NELL2: variants seen among roughly 807,000 people sequenced by gnomAD.
NELL2 encodes protein kinase C-binding protein NELL2.
NELL2 carries 41 observed loss-of-function variants against 109.6 expected under a neutral mutation model. The ratio of observed to expected loss-of-function variants is 0.37; its 90% CI spans 0.29 to 0.49. The LOEUF (loss-of-function observed/expected upper bound fraction) is 0.49, where lower values mean the gene tolerates loss of function less well. Ranked by LOEUF, NELL2 falls within the 20% of genes least tolerant of loss-of-function variation. The pLI is 0.98. For missense variants in NELL2, 900 were observed against 1,008.3 expected, an observed-to-expected ratio of 0.89 and a Z score of 1.45; for synonymous variants, 355 against 344.7, an observed-to-expected ratio of 1.03 and a Z score of -0.33.
At position 44,610,255 on chromosome 12, in the gene NELL2, CA is replaced by C. The variant is rs1271980690; in HGVS notation, c.1567+592del. 4.3e-4 allele frequency among the ~76,000 whole-genome samples: 55 copies of C among 126,466 alleles called. 1 individual carries two copies. The highest frequency in any genetic ancestry group is 2.0e-3 in the East Asian group (9 of 4,542). 83.0% of individuals were successfully genotyped at this position (126,466 alleles called of 152,430 possible). A position where few individuals can be genotyped will look rare whatever the true frequency, so the allele number is the denominator to read the frequency against. ...TCACAAGAGAGCAAAAAAAAAAAAA[CA>C]AAAAAAAAAACTGTCCTACTGACTC... On this transcript the variant is annotated intron_variant, in intron 14 of 19. Transcript: ENST00000429094.
intron 2 of NELL2, among the ~76,000 whole-genome samples, chr12:44,816,769 C>T (rs1291899025): frequency 6.6e-6 from 1 of 152,150 alleles, no homozygotes; most frequent in African/African-American, 2.4e-5. Flanking sequence ...CCTCCCCAGT[C>T]TTAGAGAAAG....
chr12:44,863,638 T>C (rs1490264502), intron 2 of NELL2, among the ~76,000 whole-genome samples: 3 of 152,174 alleles, frequency 2.0e-5, no homozygotes, highest in Non-Finnish European at 4.4e-5. Context: ...TCACCAGACC[T>C]GTCTTACAAG....
intron 1 of NELL2, among the ~76,000 whole-genome samples, chr12:44,913,057 T>C (rs1766628024): frequency 6.6e-6 from 1 of 152,234 alleles, no homozygotes; most frequent in South Asian, 2.1e-4. Context: ...AAGCATAATG[T>C]GTATTTCTGT....
intron 13 of NELL2, among the ~76,000 whole-genome samples, chr12:44,664,228 TA>T (rs1489094875): frequency 1.3e-5 from 2 of 152,030 alleles, no homozygotes; most frequent in East Asian, 1.9e-4. Context: ...AAATTTTGTC[TA>T]AAAAAATGAA....
At chr12:44,549,233 T>C (rs1226830016) in intron 15 of NELL2, among the ~76,000 whole-genome samples, 2 of 152,322 alleles carry the variant, frequency 1.3e-5, no homozygotes, top group East Asian at 3.9e-4. Context: ...CAGAAATCTA[T>C]TTCCTCTTCC....
intron 13 of NELL2, among the ~76,000 whole-genome samples, chr12:44,642,325 G>A (rs994231267): frequency 1.3e-5 from 2 of 152,106 alleles, no homozygotes; most frequent in African/African-American, 2.4e-5. Context: ...GTCAAAGGAC[G>A]TGAATAAGCA....
intron 1 of NELL2, among the ~76,000 whole-genome samples, chr12:44,893,970 C>T (rs75909972): frequency 0.011 from 1,608 of 152,032 alleles, 32 homozygotes; most frequent in East Asian, 0.048. Flanking sequence ...GAAAAATAAA[C>T]GAAAAAGACA....
chr12:44,877,361 A>AT (rs553490092), upstream of NELL2, among the ~76,000 whole-genome samples: 54 of 152,294 alleles, frequency 3.5e-4, no homozygotes, highest in African/African-American at 1.2e-3. Flanking sequence ...GGTACATAAT[A>AT]TTTTTTGAAC....
chr12:44,819,994 A>T (rs1314863929), intron 2 of NELL2, among the ~76,000 whole-genome samples: 1 of 152,150 alleles, frequency 6.6e-6, no homozygotes, highest in Non-Finnish European at 1.5e-5. Flanking sequence ...CCATAGCCTC[A>T]GGATGGTCTC....
At chr12:44,908,729 A>G (rs1420980231) in intron 1 of NELL2, among the ~76,000 whole-genome samples, 1 of 152,044 alleles carries the variant, frequency 6.6e-6, no homozygotes, top group African/African-American at 2.4e-5. Flanking sequence ...AGTTGATGAA[A>G]CTTTGTGCTG....
rs1239797263 is a variant in NELL2, at chr12:44,818,741, T to A, written c.185-2605A>T. Among the ~76,000 whole-genome samples the A allele has an allele frequency of 1.2e-4, 16 of 134,068 alleles. No individual in the cohort carries two copies. The South Asian group carries it at 3.3e-3, about 28-fold the overall frequency. The allele number at this position is 134,068 out of a possible 152,430, so 88.0% of individuals were successfully genotyped here. A position where few individuals can be genotyped will look rare whatever the true frequency, so the allele number is the denominator to read the frequency against. ...TGTTCACTTATTTTTTTTTTTTTATTTTTTTTTTTTTTGAGACGGAGTCTC... is the reference window on the plus strand; with the variant it reads ...TGTTCACTTATTTTTTTTTTTTTATATTTTTTTTTTTTGAGACGGAGTCTC... On this transcript the variant is annotated intron_variant, in intron 2 of 19. Coordinates refer to ENST00000429094, the MANE Select transcript of NELL2 (RefSeq NM_001145108.2).
intron 2 of NELL2, among the ~76,000 whole-genome samples, chr12:44,825,569 T>A (rs1943685252): frequency 6.6e-6 from 1 of 150,736 alleles, no homozygotes; most frequent in South Asian, 2.1e-4. Context: ...CTAATTTTTG[T>A]ATTTTTAGTA....
intron 15 of NELL2, among the ~76,000 whole-genome samples, chr12:44,541,442 C>T (rs1181767775): frequency 6.6e-6 from 1 of 151,766 alleles, no homozygotes; most frequent in Non-Finnish European, 1.5e-5. Flanking sequence ...CTAACTGGAG[C>T]TTTAAAAAAT....
chr12:44,641,045 T>C lies in NELL2; in HGVS notation c.1444+24439A>G, dbSNP rs1592253594. Reference sequence around the variant, plus strand: ...CCAGATGTAACTGAGATGGAGCATATGGCTAGCTCCATGCAAAGCCCTCAC... The same window carrying C: ...CCAGATGTAACTGAGATGGAGCATACGGCTAGCTCCATGCAAAGCCCTCAC... On this transcript the variant is annotated intron_variant, in intron 13 of 19. Coordinates refer to ENST00000429094, the MANE Select transcript of NELL2 (RefSeq NM_001145108.2). Among the ~76,000 whole-genome samples, 9 of 152,272 alleles carry C rather than the reference T, an allele frequency of 5.9e-5. No individual in the cohort carries two copies. The South Asian group carries it at 1.9e-3, about 32-fold the overall frequency.
intron 3 of NELL2, among the ~76,000 whole-genome samples, chr12:44,796,984 G>A (rs1230760921): frequency 2.6e-5 from 4 of 152,010 alleles, no homozygotes; most frequent in Non-Finnish European, 5.9e-5. Flanking sequence ...CTATGATTCT[G>A]GAGATAAGAA....
Position 44,514,464 on chromosome 12 carries a change from TAGAG to T in NELL2, c.2401-5484_2401-5481del, listed in dbSNP as rs372303993. Among the ~76,000 whole-genome samples, 287 of 151,700 alleles carry T rather than the reference TAGAG, an allele frequency of 1.9e-3. 3 individuals carry two copies. Among genetic ancestry groups the T allele is most frequent in the East Asian group, 3.5e-3 (18 of 5,180 alleles). On this transcript the variant is annotated intron_variant, in intron 19 of 19. Coordinates refer to ENST00000429094, the MANE Select transcript of NELL2 (RefSeq NM_001145108.2). ...GATAAAACATTTTGACAGAGAGAGA[TAGAG>T]AGAGAGACAGAGATCACATTCACAT...
intron 13 of NELL2, among the ~76,000 whole-genome samples, chr12:44,635,401 T>A (rs935968361): frequency 2.6e-5 from 4 of 152,126 alleles, no homozygotes; most frequent in Admixed American, 2.6e-4. Context: ...TCTTCTAGGG[T>A]TTTTATGGCT....
At chr12:44,869,385 C>A (rs544036053) in intron 2 of NELL2, among the ~76,000 whole-genome samples, 1 of 152,270 alleles carries the variant, frequency 6.6e-6, no homozygotes, top group South Asian at 2.1e-4. Context: ...TTTGAATTAA[C>A]CTTCTTTTTT....
intron 13 of NELL2, among the ~76,000 whole-genome samples, chr12:44,639,789 C>T (rs1946783434): frequency 6.6e-6 from 1 of 151,946 alleles, no homozygotes; most frequent in Admixed American, 6.5e-5. Context: ...TCATGTCTCT[C>T]CTTTACTTAA....
Sources: allele counts gnomAD v4.1 joint callset (sites outside exome capture counted in the v4.1 genomes callset), GRCh38; gene constraint gnomAD v4.1.1; transcripts MANE v1.5; gene names NCBI Gene and HGNC (gene_info 2026-07-23, HGNC 2026-07-21).